Variants in RASAL2 observed in about 807,000 individuals in gnomAD.
RASAL2 encodes RAS protein activator like 2.
In RASAL2, 58 loss-of-function variants were observed where a neutral mutation model predicts 128.9. The observed-to-expected ratio is 0.45, with a 90% CI of 0.36 to 0.56. RASAL2 has a LOEUF of 0.56. Ranked by LOEUF, RASAL2 falls within the 20% of genes least tolerant of loss-of-function variation. RASAL2 has a pLI of 0.00. For synonymous variants in RASAL2, 561 were observed against 580.8 expected (o/e 0.97, Z 0.49); for missense variants, 1,360 against 1,601.6 (o/e 0.85, Z 2.57).
chr1:178,364,338 A>G (rs1015982418), intron 3 of RASAL2, among the ~76,000 whole-genome samples: 1 of 152,214 alleles, frequency 6.6e-6, no homozygotes, highest in Non-Finnish European at 1.5e-5. Flanking sequence ...GCTCTGGAAT[A>G]AGAATATCTA....
chr1:178,237,468 G>C (rs1007819777), intron 1 of RASAL2, among the ~76,000 whole-genome samples: 1 of 152,130 alleles, frequency 6.6e-6, no homozygotes, highest in African/African-American at 2.4e-5. Context: ...AGAATGTTGA[G>C]ACTAGCATCC....
At chr1:178,296,760 C>T (rs1446210735) in intron 2 of RASAL2, among the ~76,000 whole-genome samples, 2 of 149,674 alleles carry the variant, frequency 1.3e-5, no homozygotes, top group South Asian at 2.1e-4. Flanking sequence ...GCATCCTCCA[C>T]CTCTCGGGTT....
At chr1:178,133,520 G>A (rs564154561) in intron 1 of RASAL2, among the ~76,000 whole-genome samples, 1 of 151,188 alleles carries the variant, frequency 6.6e-6, no homozygotes, top group African/African-American at 2.4e-5. Flanking sequence ...TTGTTTTGCG[G>A]TAAGGAGTTG....
chr1:178,130,161 C>T (rs1056191052), intron 1 of RASAL2, among the ~76,000 whole-genome samples: 55 of 152,234 alleles, frequency 3.6e-4, no homozygotes, highest in African/African-American at 1.3e-3. Context: ...GATAATGTCT[C>T]AAACTTGATT....
intron 4 of RASAL2, among the ~76,000 whole-genome samples, chr1:178,409,163 C>T (rs1466320315): frequency 6.6e-6 from 1 of 152,118 alleles, no homozygotes; most frequent in East Asian, 1.9e-4. Context: ...GAGAGGATTT[C>T]CCCTATGCTG....
chr1:178,173,866 T>A (rs1350463488), intron 1 of RASAL2, among the ~76,000 whole-genome samples: 1 of 151,514 alleles, frequency 6.6e-6, no homozygotes, highest in Non-Finnish European at 1.5e-5. Context: ...AATGGTTGGG[T>A]AAAGCTTTCC....
intron 3 of RASAL2, among the ~76,000 whole-genome samples, chr1:178,302,641 T>G (rs920281855): frequency 1.3e-5 from 2 of 152,212 alleles, no homozygotes; most frequent in South Asian, 4.1e-4. Context: ...GTATACAAAT[T>G]GGCAAGTTGA....
chr1:178,313,379 G>C (rs1488861139), intron 3 of RASAL2, among the ~76,000 whole-genome samples: 2 of 152,176 alleles, frequency 1.3e-5, no homozygotes, highest in African/African-American at 4.8e-5. Context: ...TTGGCTAAGA[G>C]AGGTAAAAGT....
chr1:178,324,777 A>C (rs1425001751), intron 3 of RASAL2, among the ~76,000 whole-genome samples: 1 of 152,054 alleles, frequency 6.6e-6, no homozygotes, highest in Admixed American at 6.6e-5. Flanking sequence ...CTGTTTACCA[A>C]AGCCTTTTAA....
Position 178,464,283 on chromosome 1 carries a change from G to A in RASAL2, c.3258G>A (p.Gln1086=). 6.2e-7 allele frequency: 1 copy of A among 1,606,756 alleles called. No individual in the cohort carries two copies. Among genetic ancestry groups the A allele is most frequent in the Non-Finnish European group, 8.5e-7 (1 of 1,176,346 alleles). ...AIQRQQTQQV[Q]SPVDSATMSP... is the part of the protein sequence containing the mutation. ...AATAACTGTTTCTGATGCAGGTTCAGTCACCTGTGGACTCTGCCACAATGT... is the reference window on the plus strand; with the variant it reads ...AATAACTGTTTCTGATGCAGGTTCAATCACCTGTGGACTCTGCCACAATGT... The change falls in exon 15 of 18, where the codon CAG becomes CAA. Residue 1086 remains glutamine, a synonymous_variant. Coordinates refer to ENST00000367649, the MANE Select transcript of RASAL2 (RefSeq NM_170692.4).
chr1:178,152,139 A>G (rs758690801), intron 1 of RASAL2, among the ~76,000 whole-genome samples: 29 of 152,020 alleles, frequency 1.9e-4, no homozygotes, highest in Non-Finnish European at 4.3e-4. Flanking sequence ...GAGGGTGGAA[A>G]TTTTCAGTTT....
chr1:178,215,772 A>C (rs1036282715), intron 1 of RASAL2, among the ~76,000 whole-genome samples: 1 of 152,188 alleles, frequency 6.6e-6, no homozygotes, highest in African/African-American at 2.4e-5. Context: ...TTTAATGCCT[A>C]AACAAGCTGA....
chr1:178,464,164 C>T (rs1410798253), intron 14 of RASAL2, 114 bp from the exon 15 acceptor site: 2 of 1,264,774 alleles, frequency 1.6e-6, no homozygotes, highest in Non-Finnish European at 2.1e-6. Context: ...AAGCTAAGAG[C>T]ATTTATTAGA....
rs139519400 is a variant in RASAL2 at position 178,119,027 on chromosome 1, C to A, written c.202+24333C>A. On this transcript the variant is annotated intron_variant, in intron 1 of 17. Coordinates refer to ENST00000367649, the MANE Select transcript of RASAL2 (RefSeq NM_170692.4). Reference sequence around the variant, plus strand: ...GGATTACAGGCACCCGCCACCACACCCAGCTAATTTTTGTATTTTTAGTAG... The same window carrying A: ...GGATTACAGGCACCCGCCACCACACACAGCTAATTTTTGTATTTTTAGTAG... 5.4e-3 allele frequency among the ~76,000 whole-genome samples: 815 copies of A among 152,184 alleles called. 9 individuals are homozygous for A. The highest frequency in any genetic ancestry group is 0.019 in the African/African-American group (785 of 41,528).
intron 1 of RASAL2, among the ~76,000 whole-genome samples, chr1:178,201,792 A>T (rs942816688): frequency 2.0e-5 from 3 of 152,220 alleles, no homozygotes; most frequent in African/African-American, 7.2e-5. Flanking sequence ...TACTTAATTT[A>T]TATAAGCAGA....
At chr1:178,287,352 T>G (rs944136973) in intron 2 of RASAL2, among the ~76,000 whole-genome samples, 1 of 151,954 alleles carries the variant, frequency 6.6e-6, no homozygotes, top group African/African-American at 2.4e-5. Flanking sequence ...CCTGGACTAG[T>G]GCTTCACATT....
chr1:178,101,358 CTT>C (rs976246290), intron 1 of RASAL2, among the ~76,000 whole-genome samples: 3 of 152,130 alleles, frequency 2.0e-5, no homozygotes, highest in African/African-American at 7.2e-5. Flanking sequence ...AATTAATTGT[CTT>C]TGTTGGCTTT....
chr1:178,451,762 A>G (rs374531968), intron 10 of RASAL2, 47 bp downstream of exon 10: 8 of 1,563,538 alleles, frequency 5.1e-6, no homozygotes, highest in Non-Finnish European at 6.9e-6. Flanking sequence ...TGTAAAGGTC[A>G]TCACAGTGGA....
At chr1:178,401,463 C>T (rs1371069473) in intron 4 of RASAL2, among the ~76,000 whole-genome samples, 1 of 152,084 alleles carries the variant, frequency 6.6e-6, no homozygotes, top group Admixed American at 6.5e-5. Context: ...AGAATGTGTT[C>T]TGCCTGTCAA....
Sources: allele counts gnomAD v4.1 joint callset (sites outside exome capture counted in the v4.1 genomes callset), GRCh38; gene constraint gnomAD v4.1.1; transcripts MANE v1.5; gene names NCBI Gene and HGNC (gene_info 2026-07-23, HGNC 2026-07-21).